MEIS2: variants seen among roughly 807,000 people sequenced by gnomAD.
The protein encoded by MEIS2 is homeobox protein Meis2.
MEIS2 carries 9 observed loss-of-function variants against 58.6 expected under a neutral mutation model. The observed-to-expected ratio is 0.15, with a 90% CI of 0.09 to 0.27. The LOEUF is 0.27. Among genes scored for constraint, MEIS2 ranks in the 10% least tolerant of loss-of-function variants. The probability of loss-of-function intolerance (pLI) is 1.00; values close to 1 mark genes in which losing one functional copy is unlikely to be tolerated. For missense variants in MEIS2, 427 were observed against 635.0 expected, an observed-to-expected ratio of 0.67 and a Z score of 3.52; for synonymous variants, 221 against 228.4, an observed-to-expected ratio of 0.97 and a Z score of 0.29.
chr15:37,048,330 A>C (rs942177844), intron 7 of MEIS2, among the ~76,000 whole-genome samples: 2 of 152,102 alleles, frequency 1.3e-5, no homozygotes, highest in African/African-American at 4.8e-5. Flanking sequence ...ATTAAATGTC[A>C]GCTAAGTATT....
chr15:37,073,180 A>T (rs1002233521), intron 7 of MEIS2, among the ~76,000 whole-genome samples: 4 of 152,054 alleles, frequency 2.6e-5, no homozygotes, highest in African/African-American at 9.7e-5. Flanking sequence ...ATTTAATCCT[A>T]ACAACTGCCC....
chr15:36,999,844 G>A (rs573876593), intron 8 of MEIS2, among the ~76,000 whole-genome samples: 5 of 152,262 alleles, frequency 3.3e-5, no homozygotes, highest in African/African-American at 1.2e-4. Flanking sequence ...CTCATAGTAA[G>A]CCTACTGGGA....
At chr15:36,956,818 T>C (rs950743294) in intron 8 of MEIS2, among the ~76,000 whole-genome samples, 1 of 143,642 alleles carries the variant, frequency 7.0e-6, no homozygotes, top group Non-Finnish European at 1.5e-5. Flanking sequence ...ATAATAAACA[T>C]AGACCGATTT....
intron 9 of MEIS2, among the ~76,000 whole-genome samples, chr15:36,899,955 C>T (rs1323202735): frequency 2.0e-5 from 3 of 152,148 alleles, no homozygotes; most frequent in Non-Finnish European, 4.4e-5. Context: ...AGACATCCAA[C>T]TAACCAAAAT....
chr15:36,947,011 A>G (rs1218906072), intron 9 of MEIS2, among the ~76,000 whole-genome samples: 2 of 152,008 alleles, frequency 1.3e-5, no homozygotes, highest in Non-Finnish European at 2.9e-5. Flanking sequence ...TAACGCGTGT[A>G]CTTTGGTTGT....
chr15:37,079,265 C>G (rs1403743042), intron 7 of MEIS2, among the ~76,000 whole-genome samples: 1 of 152,120 alleles, frequency 6.6e-6, no homozygotes, highest in Non-Finnish European at 1.5e-5. Flanking sequence ...AAAAAAATGT[C>G]ATTGTATTTA....
intron 6 of MEIS2, among the ~76,000 whole-genome samples, chr15:37,087,679 G>C (rs544774767): frequency 6.6e-6 from 1 of 152,318 alleles, no homozygotes; most frequent in South Asian, 2.1e-4. Context: ...GAGTCTCTGG[G>C]CATAGGAAGC....
At position 37,062,260 on chromosome 15, in the gene MEIS2, C is replaced by T. The variant is rs568107843; in HGVS notation, c.754+21511G>A. Among the ~76,000 whole-genome samples, 6 of 152,280 alleles carry T rather than the reference C, an allele frequency of 3.9e-5. No individual in the cohort carries two copies. In the South Asian group the frequency reaches 1.2e-3, roughly 32 times the overall value. ...ATGCCCTTGGCATAATTTCAATGCC[C>T]AGCCTAGGAACAGCAGGGGCCTAAG... On this transcript the variant is annotated intron_variant, in intron 7 of 11. Transcript: ENST00000561208.
At chr15:37,040,765 G>T (rs1000103713) in intron 7 of MEIS2, among the ~76,000 whole-genome samples, 1 of 152,202 alleles carries the variant, frequency 6.6e-6, no homozygotes, top group Non-Finnish European at 1.5e-5. Flanking sequence ...AAGGCCTGTG[G>T]ACAGATAAAT....
At position 36,914,259 on chromosome 15, in the gene MEIS2, TAAG is replaced by T. The variant is rs140121907; in HGVS notation, c.978-17576_978-17574del. Among the ~76,000 whole-genome samples, 1,495 of 152,334 alleles carry T rather than the reference TAAG, an allele frequency of 9.8e-3. 20 individuals are homozygous for T. Among genetic ancestry groups the T allele is most frequent in the African/African-American group, 0.034 (1,413 of 41,576 alleles). Reference sequence around the variant, plus strand: ...AATCCAAGGAGAACACAGATGATAATAAGAAAACTCTTGTGCCAGAGTATTCAA... The same window carrying T: ...AATCCAAGGAGAACACAGATGATAATAAAACTCTTGTGCCAGAGTATTCAA... On this transcript the variant is annotated intron_variant, in intron 9 of 11. Transcript: ENST00000561208.
At chr15:37,099,197 C>G (rs1055647964) in intron 1 of MEIS2, 2 of 1,411,450 alleles carry the variant, frequency 1.4e-6, no homozygotes, top group African/African-American at 2.9e-5. Context: ...CACTCACACG[C>G]ACTCGCCGCC....
chr15:37,064,934 A>C (rs76618793), intron 7 of MEIS2, among the ~76,000 whole-genome samples: 3 of 152,164 alleles, frequency 2.0e-5, no homozygotes, highest in African/African-American at 7.2e-5. Context: ...GCCAAAGATA[A>C]CTAGATATTT....
chr15:37,007,205 T>A (rs1476574071), intron 8 of MEIS2, among the ~76,000 whole-genome samples: 1 of 152,128 alleles, frequency 6.6e-6, no homozygotes, highest in Non-Finnish European at 1.5e-5. Flanking sequence ...GAAAAGACTT[T>A]TGCTAGAGGC....
chr15:36,950,362 C>T lies in MEIS2; in HGVS notation c.939G>A (p.Ala313=), dbSNP rs140793410. The T allele has an allele frequency of 3.7e-5, 59 of 1,612,692 alleles. No individual in the cohort carries two copies. The highest frequency in any genetic ancestry group is 3.3e-4 in the Admixed American group (20 of 59,952). Residue 313 remains alanine (A), a synonymous_variant, in exon 9 of 12, where the codon GCG becomes GCA. Transcript: ENST00000561208. ...YPSEEQKKQL[A]QDTGLTILQV... is the part of the protein sequence containing the mutation. ...GGAGAATTGTAAGTCCTGTGTCTTG[C>T]GCTAACTGTTTCTTCTGCTCTTCGG...
chr15:36,931,202 G>A (rs1170745036), intron 9 of MEIS2, among the ~76,000 whole-genome samples: 2 of 152,136 alleles, frequency 1.3e-5, no homozygotes, highest in Non-Finnish European at 2.9e-5. Flanking sequence ...AGCCAAGAGA[G>A]GAGAGAAGAA....
intron 7 of MEIS2, among the ~76,000 whole-genome samples, chr15:37,045,606 C>A (rs540516791): frequency 1.3e-5 from 2 of 152,052 alleles, no homozygotes; most frequent in East Asian, 3.9e-4. Context: ...ACCTTTTTTT[C>A]ACATCAGATC....
chr15:36,946,509 C>T (rs2058572006), intron 9 of MEIS2, among the ~76,000 whole-genome samples: 1 of 151,780 alleles, frequency 6.6e-6, no homozygotes, highest in Non-Finnish European at 1.5e-5. Flanking sequence ...GTTGTCTGCA[C>T]TAAATTTTTC....
intron 9 of MEIS2, among the ~76,000 whole-genome samples, chr15:36,906,912 G>A (rs907311390): frequency 2.0e-5 from 3 of 152,038 alleles, no homozygotes; most frequent in Non-Finnish European, 4.4e-5. Context: ...TGTGGTCAAG[G>A]CCTTGTTTCT....
intron 8 of MEIS2, among the ~76,000 whole-genome samples, chr15:37,027,190 C>T (rs2061735491): frequency 6.6e-6 from 1 of 152,172 alleles, no homozygotes; most frequent in South Asian, 2.1e-4. Flanking sequence ...ATCATCTTTA[C>T]ACTTCATAAT....
Sources: allele counts gnomAD v4.1 joint callset (sites outside exome capture counted in the v4.1 genomes callset), GRCh38; gene constraint gnomAD v4.1.1; transcripts MANE v1.5; gene names NCBI Gene and HGNC (gene_info 2026-07-23, HGNC 2026-07-21).